Variants in CMSS1 observed in about 807,000 individuals in gnomAD.
CMSS1 encodes the protein cms1 ribosomal small subunit homolog.
A neutral mutation model predicts 43.5 loss-of-function variants in CMSS1; 33 were observed. The ratio of observed to expected loss-of-function variants is 0.76; its 90% CI spans 0.57 to 1.01. CMSS1 has a LOEUF of 1.01. CMSS1 is among the 50% of genes least tolerant of loss of function. The probability of loss-of-function intolerance (pLI) is 0.00; values close to 1 mark genes in which losing one functional copy is unlikely to be tolerated. For synonymous variants in CMSS1, 115 were observed against 117.2 expected (o/e 0.98, Z 0.12); for missense variants, 313 against 326.4 (o/e 0.96, Z 0.32).
intron 1 of CMSS1, among the ~76,000 whole-genome samples, chr3:99,904,315 T>A (rs1460645949): frequency 1.3e-5 from 2 of 152,228 alleles, no homozygotes; most frequent in African/African-American, 4.8e-5. Flanking sequence ...GATCTTTCAG[T>A]AGGGAGAGAA....
intron 1 of CMSS1, among the ~76,000 whole-genome samples, chr3:100,002,139 A>G (rs548740480): frequency 4.1e-4 from 63 of 152,330 alleles, no homozygotes; most frequent in Middle Eastern, 3.4e-3. Flanking sequence ...CCTCCTGTAC[A>G]GACCTGTGTC....
intron 1 of CMSS1, among the ~76,000 whole-genome samples, chr3:99,964,946 A>C (rs1708604886): frequency 6.6e-6 from 1 of 152,204 alleles, no homozygotes; most frequent in Admixed American, 6.5e-5. Context: ...CTGTATAAAA[A>C]TTGTTCTTCA....
intron 4 of CMSS1, among the ~76,000 whole-genome samples, chr3:100,162,795 GAAACCCCATCTCTACTA>G (rs2067035436): frequency 1.3e-5 from 2 of 152,258 alleles, no homozygotes; most frequent in Admixed American, 6.5e-5. Flanking sequence ...CCAACATAGT[GAAACCCCATCTCTACTA>G]AAAAATACAA....
At chr3:100,156,299 CTTTTTT>C (rs34413816) in intron 2 of CMSS1, among the ~76,000 whole-genome samples, 7 of 73,114 alleles carry the variant, frequency 9.6e-5, no homozygotes, top group South Asian at 1.2e-3. Context: ...AATTTTTTTT[CTTTTTT>C]TTTTTTTTTT....
At position 100,001,082 on chromosome 3, in the gene CMSS1, A is replaced by G. The variant is rs561404105; in HGVS notation, c.65-145891A>G. Among the ~76,000 whole-genome samples, 20 of 152,306 alleles carry G rather than the reference A, an allele frequency of 1.3e-4. No homozygotes were observed. The East Asian group carries it at 3.7e-3, about 28-fold the overall frequency. On this transcript the variant is annotated intron_variant, in intron 1 of 9. Coordinates refer to ENST00000421999, the MANE Select transcript of CMSS1 (RefSeq NM_032359.4). ...TCTTCCCAAAAATATTATTGTGCCT[A>G]CTTATTAATGCAGTTATTTTAGAGG...
chr3:99,857,438 C>A (rs972280927), intron 1 of CMSS1, among the ~76,000 whole-genome samples: 6 of 152,212 alleles, frequency 3.9e-5, no homozygotes, highest in African/African-American at 1.4e-4. Context: ...GCCCATCAGT[C>A]TCCTTTGGCT....
At chr3:99,851,107 T>A in intron 1 of CMSS1, 1 of 1,497,872 alleles carries the variant, frequency 6.7e-7, no homozygotes, top group Non-Finnish European at 8.9e-7. Context: ...TTGTGATTGA[T>A]GCTTTAGTAA....
chr3:100,129,972 ATGACTC>A (rs2066693273), intron 1 of CMSS1, among the ~76,000 whole-genome samples: 1 of 152,178 alleles, frequency 6.6e-6, no homozygotes, highest in Non-Finnish European at 1.5e-5. Flanking sequence ...CAATGCTGAA[ATGACTC>A]TGTATATATT....
At chr3:100,105,121 G>A (rs1037695763) in intron 1 of CMSS1, among the ~76,000 whole-genome samples, 7 of 152,092 alleles carry the variant, frequency 4.6e-5, no homozygotes, top group African/African-American at 1.4e-4. Context: ...AGTAAGCATT[G>A]TTTAAGTCTC....
intron 1 of CMSS1, among the ~76,000 whole-genome samples, chr3:99,859,337 T>C (rs944787034): frequency 6.6e-6 from 1 of 152,244 alleles, no homozygotes; most frequent in Non-Finnish European, 1.5e-5. Context: ...TACAGTATTC[T>C]CCCAGTAACA....
At chr3:100,034,824 ACT>A (rs2065079633) in intron 1 of CMSS1, among the ~76,000 whole-genome samples, 1 of 152,076 alleles carries the variant, frequency 6.6e-6, no homozygotes, top group South Asian at 2.1e-4. Flanking sequence ...GAGAATATCC[ACT>A]CTGATCAGTA....
intron 1 of CMSS1, among the ~76,000 whole-genome samples, chr3:99,818,792 G>A (rs1196387950): frequency 6.6e-6 from 1 of 152,224 alleles, no homozygotes; most frequent in East Asian, 1.9e-4. Flanking sequence ...AATTTGAATA[G>A]TTTCTACTAT....
At chr3:99,943,822 T>A (rs1707925180) in intron 1 of CMSS1, among the ~76,000 whole-genome samples, 1 of 152,206 alleles carries the variant, frequency 6.6e-6, no homozygotes, top group African/African-American at 2.4e-5. Flanking sequence ...GCATAGGCTC[T>A]GGAGTCGGCC....
chr3:99,944,917 C>T (rs977583813), intron 1 of CMSS1, among the ~76,000 whole-genome samples: 4 of 152,156 alleles, frequency 2.6e-5, no homozygotes, highest in South Asian at 2.1e-4. Flanking sequence ...GTCAAATCTG[C>T]GATGAAGGCA....
chr3:100,023,468 A>G (rs935117427), intron 1 of CMSS1: 3 of 152,646 alleles, frequency 2.0e-5, no homozygotes, highest in African/African-American at 7.2e-5. Context: ...TTGAAAGTGA[A>G]GTCAGACTAA....
At chr3:99,943,565 G>A (rs1303399816) in intron 1 of CMSS1, among the ~76,000 whole-genome samples, 3 of 152,024 alleles carry the variant, frequency 2.0e-5, no homozygotes, top group Non-Finnish European at 2.9e-5. Flanking sequence ...TTAGCCGGGC[G>A]TGGTGGCATG....
chr3:100,030,881 T>C (rs2065011311), intron 1 of CMSS1, among the ~76,000 whole-genome samples: 2 of 152,212 alleles, frequency 1.3e-5, no homozygotes. Context: ...AAATTTTCTT[T>C]ACTGTGCAAC....
intron 1 of CMSS1, among the ~76,000 whole-genome samples, chr3:99,902,640 C>A (rs569262747): frequency 6.6e-6 from 1 of 152,200 alleles, no homozygotes; most frequent in Non-Finnish European, 1.5e-5. Flanking sequence ...CACTGGACAA[C>A]CAAAAAGATT....
chr3:99,888,638 A>C (rs905171940), intron 1 of CMSS1, among the ~76,000 whole-genome samples: 3 of 152,198 alleles, frequency 2.0e-5, no homozygotes, highest in African/African-American at 7.2e-5. Flanking sequence ...TGCTTAACCT[A>C]TCAACAATTT....
Sources: gnomAD v4.1 joint callset for allele counts (sites outside exome capture counted in the v4.1 genomes callset) on GRCh38, gnomAD v4.1.1 for gene constraint, MANE v1.5 for transcripts, NCBI Gene and HGNC (gene_info 2026-07-23, HGNC 2026-07-21) for gene names.